PTPRD: variants seen among roughly 807,000 people sequenced by gnomAD.
PTPRD encodes protein tyrosine phosphatase receptor type D.
A neutral mutation model predicts 214.5 loss-of-function variants in PTPRD; 34 were observed. That is an observed-to-expected ratio of 0.16 (90% CI 0.12 to 0.21). The LOEUF is 0.21. PTPRD is among the 10% of genes least tolerant of loss of function. The probability of loss-of-function intolerance (pLI) is 1.00; values close to 1 mark genes in which losing one functional copy is unlikely to be tolerated. For missense variants in PTPRD, 2,545 were observed against 2,398.7 expected (o/e 1.06, Z -1.27); for synonymous variants, 1,128 against 845.7 (o/e 1.33, Z -5.79).
rs992389887 is a variant in PTPRD, at chr9:9,806,035, T to C, written c.-367-39184A>G. On this transcript the variant is annotated intron_variant, in intron 5 of 45. Coordinates refer to ENST00000381196, the MANE Select transcript of PTPRD (RefSeq NM_002839.4). Reference sequence around the variant, plus strand: ...CAAGTGGTTTACCATGCAAAAGCCATTACATATAAAGGATTACTAAAGAAA... The same window carrying C: ...CAAGTGGTTTACCATGCAAAAGCCACTACATATAAAGGATTACTAAAGAAA... Among the ~76,000 whole-genome samples, 13 of 152,076 alleles carry C rather than the reference T, an allele frequency of 8.5e-5. 1 individual carries two copies. Among genetic ancestry groups the C allele is most frequent in the Admixed American group, 5.2e-4 (8 of 15,264 alleles).
rs78306792 is a variant in PTPRD, at chr9:9,289,820, C to T, written c.-202-106457G>A. ...TCTTCTTAAAGGCTGAATAGCATAA[C>T]ATTGTGTACATAAACCATATTTTCT... is the stretch of plus-strand genomic sequence containing the variant. On this transcript the variant is annotated intron_variant, in intron 9 of 45. Transcript: ENST00000381196. Among the ~76,000 whole-genome samples the T allele has an allele frequency of 4.6e-5, 7 of 151,834 alleles. No individual in the cohort carries two copies. The East Asian group carries it at 1.4e-3, about 30-fold the overall frequency.
chr9:8,427,535 C>T (rs1444491939), intron 35 of PTPRD, among the ~76,000 whole-genome samples: 1 of 152,018 alleles, frequency 6.6e-6, no homozygotes, highest in Non-Finnish European at 1.5e-5. Flanking sequence ...AGACACCTGA[C>T]CAAAACACCT....
intron 8 of PTPRD, among the ~76,000 whole-genome samples, chr9:9,490,380 G>C (rs958664295): frequency 2.0e-5 from 3 of 151,972 alleles, no homozygotes; most frequent in Admixed American, 2.0e-4. Context: ...TGTAATGACA[G>C]TTTTTAATTG....
At chr9:8,536,738 A>G (rs1302669761) in intron 14 of PTPRD, among the ~76,000 whole-genome samples, 1 of 152,020 alleles carries the variant, frequency 6.6e-6, no homozygotes, top group Non-Finnish European at 1.5e-5. Context: ...AGAGACCAGA[A>G]AAGCAGATAT....
At chr9:9,768,281 G>A (rs1244962880) in intron 5 of PTPRD, among the ~76,000 whole-genome samples, 2 of 152,086 alleles carry the variant, frequency 1.3e-5, no homozygotes, top group East Asian at 1.9e-4. Flanking sequence ...GATTAAATGA[G>A]TCATTACAAA....
At chr9:10,343,475 T>G (rs2096986128) in intron 2 of PTPRD, among the ~76,000 whole-genome samples, 1 of 152,174 alleles carries the variant, frequency 6.6e-6, no homozygotes, top group Admixed American at 6.5e-5. Context: ...TGATTTATAA[T>G]CCTTTGGGTA....
chr9:10,070,845 A>T (rs998602826), intron 3 of PTPRD, among the ~76,000 whole-genome samples: 3 of 152,020 alleles, frequency 2.0e-5, no homozygotes, highest in African/African-American at 7.2e-5. Context: ...GGAAGAGATT[A>T]TGATTACCTT....
At position 10,601,299 on chromosome 9, in the gene PTPRD, T is replaced by TA. The variant is rs572472400; in HGVS notation, c.-600+11098dup. Among the ~76,000 whole-genome samples, 162 of 149,346 alleles carry TA rather than the reference T, an allele frequency of 1.1e-3. 4 individuals are homozygous for TA. Among genetic ancestry groups the TA allele is most frequent in the African/African-American group, 2.9e-3 (119 of 40,934 alleles). On this transcript the variant is annotated intron_variant, in intron 2 of 45. Transcript: ENST00000381196. ...TATGGCCAAAGGGAAGAATTTGATT[T>TA]AAAAAAAAAATGTTGGCCTGATAGG... is the stretch of plus-strand genomic sequence containing the variant.
chr9:10,149,095 C>T (rs768946986), intron 3 of PTPRD, among the ~76,000 whole-genome samples: 1 of 152,144 alleles, frequency 6.6e-6, no homozygotes, highest in African/African-American at 2.4e-5. Flanking sequence ...AAGCAGAGCT[C>T]TCTCCATATT....
At chr9:8,998,370 A>G (rs994055902) in intron 11 of PTPRD, among the ~76,000 whole-genome samples, 5 of 152,070 alleles carry the variant, frequency 3.3e-5, no homozygotes, top group Non-Finnish European at 7.4e-5. Flanking sequence ...CTTAAGAATT[A>G]TGCTAAATCT....
chr9:9,829,520 A>C (rs1056952898), intron 5 of PTPRD, among the ~76,000 whole-genome samples: 1 of 151,814 alleles, frequency 6.6e-6, no homozygotes, highest in East Asian at 1.9e-4. Context: ...TAATATTTGT[A>C]ATCTTTGTTA....
chr9:9,673,541 A>G (rs13302176), intron 7 of PTPRD, among the ~76,000 whole-genome samples: 1 of 151,842 alleles, frequency 6.6e-6, no homozygotes, highest in Non-Finnish European at 1.5e-5. Context: ...TGAAGAAATT[A>G]CCCAAAAAGA....
chr9:9,269,283 A>G (rs1941716417), intron 9 of PTPRD, among the ~76,000 whole-genome samples: 1 of 151,348 alleles, frequency 6.6e-6, no homozygotes, highest in Non-Finnish European at 1.5e-5. Context: ...CATCGGAAAC[A>G]CGCAAATCAA....
At chr9:9,728,681 C>T (rs2098133932) in intron 7 of PTPRD, among the ~76,000 whole-genome samples, 1 of 152,016 alleles carries the variant, frequency 6.6e-6, no homozygotes, top group South Asian at 2.1e-4. Context: ...TACAGTGGCT[C>T]CTTTAATTTA....
chr9:8,755,367 T>C (rs980322101), intron 11 of PTPRD, among the ~76,000 whole-genome samples: 5 of 151,774 alleles, frequency 3.3e-5, no homozygotes, highest in African/African-American at 1.2e-4. Flanking sequence ...CTGTCTCTAC[T>C]AAAAATACAA....
intron 11 of PTPRD, among the ~76,000 whole-genome samples, chr9:8,901,047 A>G (rs1270240216): frequency 6.6e-6 from 1 of 152,176 alleles, no homozygotes; most frequent in African/African-American, 2.4e-5. Context: ...AAAAGGAGGA[A>G]AAGGACAGTA....
intron 14 of PTPRD, among the ~76,000 whole-genome samples, chr9:8,554,509 G>C (rs1375027785): frequency 6.6e-6 from 1 of 152,088 alleles, no homozygotes; most frequent in Non-Finnish European, 1.5e-5. Flanking sequence ...ACACAGAGAG[G>C]TATATGATCA....
At chr9:9,008,955 A>G (rs984402362) in intron 11 of PTPRD, among the ~76,000 whole-genome samples, 8 of 152,336 alleles carry the variant, frequency 5.3e-5, no homozygotes, top group African/African-American at 1.7e-4. Context: ...GGAAAATCTG[A>G]TATCATATAA....
At chr9:8,775,637 G>A (rs570527535) in intron 11 of PTPRD, among the ~76,000 whole-genome samples, 1 of 152,240 alleles carries the variant, frequency 6.6e-6, no homozygotes, top group East Asian at 1.9e-4. Flanking sequence ...TTTACTGCAT[G>A]GGCATTTTGC....
Sources: allele counts gnomAD v4.1 joint callset (sites outside exome capture counted in the v4.1 genomes callset), GRCh38; gene constraint gnomAD v4.1.1; transcripts MANE v1.5; gene names NCBI Gene and HGNC (gene_info 2026-07-23, HGNC 2026-07-21).